HMG20A: variants seen among roughly 807,000 people sequenced by gnomAD.
HMG20A encodes high mobility group 20A, also known as high mobility group protein 20A.
Under a neutral mutation model 43.9 loss-of-function variants are expected in HMG20A, and 17 were observed. The observed-to-expected ratio is 0.39, with a 90% CI of 0.27 to 0.58. The LOEUF (loss-of-function observed/expected upper bound fraction) is 0.58. HMG20A is among the 20% of genes least tolerant of loss of function. The pLI, the probability that HMG20A is intolerant of heterozygous loss-of-function variation, is 0.59. For synonymous variants in HMG20A, 132 were observed against 147.5 expected (o/e 0.89, Z 0.76); for missense variants, 341 against 438.2 (o/e 0.78, Z 1.98).
chr15:77,497,838 ATT>A, the HMG20A span, among the ~76,000 whole-genome samples: 22 of 142,614 alleles, frequency 1.5e-4, no homozygotes, highest in African/African-American at 3.7e-4. Flanking sequence ...AAGATTTTTA[ATT>A]TTTTTTTTTT....
chr15:77,508,169 C>T, the HMG20A span, among the ~76,000 whole-genome samples: 1 of 152,124 alleles, frequency 6.6e-6, no homozygotes, highest in Non-Finnish European at 1.5e-5. Context: ...GACAGAGGGC[C>T]CATCTTAGGC....
chr15:77,428,093 C>G (rs1407786041), intron 1 of HMG20A, among the ~76,000 whole-genome samples: 1 of 152,188 alleles, frequency 6.6e-6, no homozygotes, highest in Non-Finnish European at 1.5e-5. Flanking sequence ...TACCTGTGTT[C>G]ATAATGAAGC....
At chr15:77,449,147 C>G (rs956773081) in intron 1 of HMG20A, among the ~76,000 whole-genome samples, 12 of 152,124 alleles carry the variant, frequency 7.9e-5, no homozygotes, top group African/African-American at 2.9e-4. Flanking sequence ...TGTCCACCCC[C>G]ACCCCAGTGC....
chr15:77,454,163 TAA>T (rs531023947), intron 1 of HMG20A, among the ~76,000 whole-genome samples: 10 of 129,266 alleles, frequency 7.7e-5, no homozygotes, highest in Admixed American at 1.6e-4. Flanking sequence ...CCCTGTCTCT[TAA>T]AAAAAAAAAA....
At position 77,468,597 on chromosome 15, in the gene HMG20A, T is replaced by TCACACACA. The variant is rs141417839; in HGVS notation, c.450+1312_450+1319dup. On this transcript the variant is annotated intron_variant, in intron 4 of 9. Transcript: ENST00000336216. The stretch of plus-strand genomic sequence containing the variant: ...TTCTCTCTCTCTCTCTCTCTCTCTG[T>TCACACACA]CACACACACACACACACACACACAC... Among the ~76,000 whole-genome samples the TCACACACA allele has an allele frequency of 8.3e-3, 1,221 of 147,774 alleles. 4 individuals carry two copies. Among genetic ancestry groups the TCACACACA allele is most frequent in the African/African-American group, 0.019 (753 of 39,974 alleles).
the HMG20A span, among the ~76,000 whole-genome samples, chr15:77,509,555 CGTGTGTGTGTGT>C: frequency 8.3e-3 from 961 of 115,438 alleles, 13 homozygotes; most frequent in East Asian, 0.032. Context: ...TGTGCCCAGC[CGTGTGTGTGTGT>C]GTGTGTGTGT....
At chr15:77,478,565 G>T (rs2072878555) in intron 8 of HMG20A, 55 bp downstream of exon 8, 2 of 1,400,232 alleles carry the variant, frequency 1.4e-6, no homozygotes, top group Admixed American at 3.5e-5. Flanking sequence ...GTTGTGTGGA[G>T]TGGGGTGCTG....
rs2072885308 is a variant in HMG20A, at chr15:77,479,221, T to C, written c.950T>C (p.Met317Thr). ...TPTVDTIDSY[M>T]NRLHSIILAN... Reference sequence around the variant, plus strand: ...ACAGTGGACACCATTGACTCATATATGAACAGACTGCACAGTATTATTTTA... The same window carrying C: ...ACAGTGGACACCATTGACTCATATACGAACAGACTGCACAGTATTATTTTA... Residue 317 changes from methionine (M) to threonine (T), a missense_variant, in exon 9 of 10, where the codon ATG becomes ACG. Coordinates refer to ENST00000336216, the MANE Select transcript of HMG20A (RefSeq NM_001304504.2). 6.2e-7 allele frequency: 1 copy of C among 1,613,864 alleles called. No individual in the cohort carries two copies. Among genetic ancestry groups the C allele is most frequent in the Non-Finnish European group, 8.5e-7 (1 of 1,179,740 alleles).
chr15:77,456,533 T>C (rs2072655704), intron 1 of HMG20A, among the ~76,000 whole-genome samples: 1 of 150,766 alleles, frequency 6.6e-6, no homozygotes, highest in South Asian at 2.1e-4. Flanking sequence ...ATACAAAAAT[T>C]AGCTGGTGTG....
downstream of HMG20A, among the ~76,000 whole-genome samples, chr15:77,489,363 G>C (rs1464964422): frequency 6.6e-6 from 1 of 152,202 alleles, no homozygotes. Flanking sequence ...AACAGGTAGA[G>C]AAATGGTTTA....
chr15:77,462,233 A>G (rs1028040019), intron 2 of HMG20A, among the ~76,000 whole-genome samples: 2 of 152,130 alleles, frequency 1.3e-5, no homozygotes, highest in Admixed American at 6.5e-5. Flanking sequence ...CTTATTTAAC[A>G]TCTGCAACTT....
At chr15:77,466,894 A>G (rs2072761271) in intron 3 of HMG20A, among the ~76,000 whole-genome samples, 1 of 152,252 alleles carries the variant, frequency 6.6e-6, no homozygotes, top group Admixed American at 6.5e-5. Context: ...TTGCAAGTGA[A>G]GCATCTGGAG....
rs778838098 is a variant in HMG20A, at chr15:77,472,359, C to T, written c.615+545C>T. ...GCACAATCTCAGCCCACTGCAACCT[C>T]CGCCTCCCGGGTTCAAGCAATTCTC... On this transcript the variant is annotated intron_variant, in intron 6 of 9. Transcript: ENST00000336216. Among the ~76,000 whole-genome samples, 12 of 152,304 alleles carry T rather than the reference C, an allele frequency of 7.9e-5. No individual in the cohort carries two copies. In the South Asian group the frequency reaches 1.9e-3, roughly 24 times the overall value.
At chr15:77,479,403 A>C in intron 9 of HMG20A, 82 bp downstream of exon 9, 1 of 1,323,270 alleles carries the variant, frequency 7.6e-7, no homozygotes, top group Non-Finnish European at 1.1e-6. Flanking sequence ...TACTACTAAA[A>C]CCCTGGGATT....
the HMG20A span, among the ~76,000 whole-genome samples, chr15:77,506,366 C>T: frequency 6.6e-6 from 1 of 152,132 alleles, no homozygotes; most frequent in Admixed American, 6.5e-5. Flanking sequence ...CCTCCCTCTC[C>T]ACCAGTTGCT....
At chr15:77,449,016 T>C (rs2073706245) in intron 1 of HMG20A, among the ~76,000 whole-genome samples, 1 of 152,048 alleles carries the variant, frequency 6.6e-6, no homozygotes, top group Non-Finnish European at 1.5e-5. Context: ...GCCACTGCAC[T>C]TCAGCCTGGG....
intron 1 of HMG20A, among the ~76,000 whole-genome samples, chr15:77,454,006 CAAAA>C (rs34166489): frequency 1.9e-5 from 2 of 107,816 alleles, no homozygotes; most frequent in Admixed American, 9.6e-5. Context: ...CCTATCTCTA[CAAAA>C]AAAAAAAAAA....
chr15:77,423,975 T>C (rs2142262520), intron 1 of HMG20A, among the ~76,000 whole-genome samples: 1 of 152,346 alleles, frequency 6.6e-6, no homozygotes, highest in South Asian at 2.1e-4. Context: ...TTAGAGTGTC[T>C]ACTATATGCC....
chr15:77,514,231 GAATT>G, the HMG20A span, among the ~76,000 whole-genome samples: 1 of 152,152 alleles, frequency 6.6e-6, no homozygotes, highest in Non-Finnish European at 1.5e-5. Context: ...CAGACAGCAT[GAATT>G]AATTATTAAT....
Sources: allele counts gnomAD v4.1 joint callset (sites outside exome capture counted in the v4.1 genomes callset), GRCh38; gene constraint gnomAD v4.1.1; transcripts MANE v1.5; gene names NCBI Gene and HGNC (gene_info 2026-07-23, HGNC 2026-07-21).